The following ZNF503 variants were observed in gnomAD, a reference collection of about 807,000 sequenced individuals.
The protein encoded by ZNF503 is NocA-like zinc finger 2.
In ZNF503, 15 loss-of-function variants were observed where a neutral mutation model predicts 34.4. The observed-to-expected ratio is 0.44, with a 90% CI of 0.29 to 0.67. The LOEUF (loss-of-function observed/expected upper bound fraction) is 0.67. Ranked by LOEUF, ZNF503 falls within the 30% of genes least tolerant of loss-of-function variation. The pLI, the probability that ZNF503 is intolerant of heterozygous loss-of-function variation, is 0.13. For synonymous variants in ZNF503, 580 were observed against 456.8 expected, an observed-to-expected ratio of 1.27 and a Z score of -3.44; for missense variants, 1,007 against 926.8, an observed-to-expected ratio of 1.09 and a Z score of -1.12.
the ZNF503 span, among the ~76,000 whole-genome samples, chr10:75,360,118 T>TC: frequency 1.4e-5 from 2 of 138,490 alleles, no homozygotes; most frequent in African/African-American, 2.8e-5. Flanking sequence ...AGGTTTCTTT[T>TC]TTTTTTTTTT....
rs1229535043 is a variant in ZNF503 at position 75,400,249 on chromosome 10, G to A, written c.441C>T (p.Ala147=). Residue 147 remains alanine (A), a synonymous_variant, in exon 2 of 2, where the codon GCC becomes GCT. Transcript: ENST00000372524. ...CCTTGTCGCCCGCAGCACCGCCGCC[G>A]GCACCGCCCGCGCCGCCCCCGTTGG... ...VASNGGGAGG[A]GGGAAGDKDT... The A allele has an allele frequency of 7.4e-6, 12 of 1,612,128 alleles. No homozygotes were observed. Among genetic ancestry groups the A allele is most frequent in the East Asian group, 2.2e-5 (1 of 44,822 alleles).
At position 75,401,358 on chromosome 10, in the gene ZNF503, C is replaced by T; in HGVS notation, c.62G>A (p.Gly21Asp). 2 of 1,537,824 alleles carry T rather than the reference C, an allele frequency of 1.3e-6. No homozygotes were observed. The highest frequency in any genetic ancestry group is 1.7e-6 in the Non-Finnish European group (2 of 1,145,742). The change falls in exon 1 of 2, where the codon GGC becomes GAC. Residue 21 changes from glycine (G) to aspartate (D), a missense_variant. Coordinates refer to ENST00000372524, the MANE Select transcript of ZNF503 (RefSeq NM_032772.6). ...RSSKHSGGGG[G>D]GGGGGGADPA... ...GTCTGCACCGCCGCCTCCGCCTCCG[C>T]CGCCGCCGCCGCCGCTGTGCTTACT...
At chr10:75,400,406 A>C in intron 1 of ZNF503, 32 bp from the exon 2 acceptor site, 1 of 1,574,230 alleles carries the variant, frequency 6.4e-7, no homozygotes. Context: ...GGGGAGCGTC[A>C]CACAGAGAAA....
At chr10:75,328,697 C>T in the ZNF503 span, among the ~76,000 whole-genome samples, 1 of 149,782 alleles carries the variant, frequency 6.7e-6, no homozygotes, top group Non-Finnish European at 1.5e-5. Context: ...GCAGTATGGT[C>T]ATTATCACAA....
the ZNF503 span, among the ~76,000 whole-genome samples, chr10:75,291,473 A>G: frequency 6.6e-6 from 1 of 152,154 alleles, no homozygotes; most frequent in South Asian, 2.1e-4. Context: ...TTAGCCAGGC[A>G]TGGTGATTTA....
the ZNF503 span, among the ~76,000 whole-genome samples, chr10:75,313,520 G>C: frequency 6.6e-6 from 1 of 152,184 alleles, no homozygotes; most frequent in East Asian, 1.9e-4. Flanking sequence ...AGGATACAGA[G>C]GTGATCAGCA....
the ZNF503 span, among the ~76,000 whole-genome samples, chr10:75,337,935 A>T: frequency 3.4e-4 from 52 of 152,354 alleles, no homozygotes; most frequent in African/African-American, 1.3e-3. Flanking sequence ...CTAAATGCTT[A>T]TGGAGAATAT....
rs755668965 is a variant in ZNF503, at chr10:75,398,725, C to T, written c.*24G>A. ...CTCCCCTCCCCCTCTCCCTCCTCTC[C>T]CTCGCTCGCCCTCCCGGCCGCCCTC... On this transcript the variant is annotated 3_prime_UTR_variant, in exon 2 of 2. Transcript: ENST00000372524. The T allele has an allele frequency of 2.9e-6, 4 of 1,362,354 alleles. No homozygotes were observed. The African/African-American group carries it at 6.1e-5, about 21-fold the overall frequency. The allele number at this position is 1,362,354 out of a possible 1,614,324, so 84.4% of individuals were successfully genotyped here. A position where few individuals can be genotyped will look rare whatever the true frequency, so the allele number is the denominator to read the frequency against.
chr10:75,313,262 A>C, the ZNF503 span, among the ~76,000 whole-genome samples: 29 of 152,334 alleles, frequency 1.9e-4, no homozygotes, highest in African/African-American at 6.7e-4. Context: ...GTGGGAGTTC[A>C]GAAATCCAAT....
At chr10:75,290,100 T>C in the ZNF503 span, among the ~76,000 whole-genome samples, 13 of 152,112 alleles carry the variant, frequency 8.5e-5, no homozygotes, top group Non-Finnish European at 2.9e-5. Flanking sequence ...CGTGCAGAAT[T>C]TGGTTTTGTG....
the ZNF503 span, among the ~76,000 whole-genome samples, chr10:75,337,601 G>C: frequency 8.1e-5 from 12 of 149,058 alleles, no homozygotes; most frequent in Non-Finnish European, 1.6e-4. Context: ...CTGGGTGAAA[G>C]AGCTAGACTC....
At chr10:75,339,713 T>C in the ZNF503 span, among the ~76,000 whole-genome samples, 1 of 151,956 alleles carries the variant, frequency 6.6e-6, no homozygotes. Flanking sequence ...GAAAAGTAGA[T>C]TGGGGGGCAA....
the ZNF503 span, among the ~76,000 whole-genome samples, chr10:75,384,114 C>G: frequency 5.3e-5 from 8 of 152,118 alleles, no homozygotes; most frequent in Admixed American, 5.2e-4. Context: ...CAAGTCAGGC[C>G]TCAGCTCAGG....
intron 1 of ZNF503, 113 bp downstream of exon 1, chr10:75,400,992 G>T: frequency 6.9e-7 from 1 of 1,459,056 alleles, no homozygotes; most frequent in South Asian, 1.2e-5. Flanking sequence ...TCCCCCATTC[G>T]GGAGCTGAAT....
At chr10:75,400,434 G>C in intron 1 of ZNF503, 60 bp from the exon 2 acceptor site, 1 of 1,517,998 alleles carries the variant, frequency 6.6e-7, no homozygotes, top group South Asian at 1.3e-5. Context: ...AAACCCTTTA[G>C]AATCCTGGCT....
chr10:75,367,217 C>G, the ZNF503 span, among the ~76,000 whole-genome samples: 1 of 152,050 alleles, frequency 6.6e-6, no homozygotes, highest in African/African-American at 2.4e-5. Flanking sequence ...GTCTCTCTAC[C>G]CCCCACCCAG....
chr10:75,367,660 G>A, the ZNF503 span, among the ~76,000 whole-genome samples: 2 of 152,186 alleles, frequency 1.3e-5, no homozygotes, highest in African/African-American at 4.8e-5. Flanking sequence ...GGAAGTTTGT[G>A]CAGCGATTTG....
the ZNF503 span, among the ~76,000 whole-genome samples, chr10:75,369,657 G>C: frequency 6.6e-6 from 1 of 152,162 alleles, no homozygotes; most frequent in Non-Finnish European, 1.5e-5. Flanking sequence ...TACACTTTTA[G>C]ATTTAAAAAA....
At chr10:75,396,529 C>T (rs1347688048), downstream of ZNF503, among the ~76,000 whole-genome samples, 3 of 152,032 alleles carry the variant, frequency 2.0e-5, no homozygotes, top group Non-Finnish European at 2.9e-5. This position sits in a 1 kb window ranked among gnomAD's most constrained non-coding sequence, Gnocchi z 4.4. Context: ...TCACCAATCC[C>T]GGTGCAAATG....
Sources: allele counts gnomAD v4.1 joint callset (sites outside exome capture counted in the v4.1 genomes callset), GRCh38; gene constraint gnomAD v4.1.1; non-coding constraint Gnocchi (gnomAD v3.1); transcripts MANE v1.5; gene names NCBI Gene and HGNC (gene_info 2026-07-23, HGNC 2026-07-21).